The following FAM20C variants were observed in gnomAD, a reference collection of about 807,000 sequenced individuals.
FAM20C encodes FAM20C golgi associated secretory pathway kinase.
FAM20C carries 40 observed loss-of-function variants against 51.5 expected under a neutral mutation model. The observed-to-expected ratio is 0.78, with a 90% confidence interval of 0.60 to 1.01. The LOEUF is 1.01. Ranked by LOEUF, FAM20C falls within the 50% of genes least tolerant of loss-of-function variation. The probability of loss-of-function intolerance (pLI) is 0.00; values close to 1 mark genes in which losing one functional copy is unlikely to be tolerated. For synonymous variants in FAM20C, 406 were observed against 380.6 expected (o/e 1.07, Z -0.78); for missense variants, 861 against 844.7 (o/e 1.02, Z -0.24).
At chr7:225,955 T>A (rs1192730773) in intron 3 of FAM20C, among the ~76,000 whole-genome samples, 1 of 85,686 alleles carries the variant, frequency 1.2e-5, no homozygotes, top group African/African-American at 3.5e-5. Context: ...CTTCTCTCAT[T>A]GCGCAGAATG....
At chr7:233,828 T>G (rs1787771713) in intron 3 of FAM20C, among the ~76,000 whole-genome samples, 1 of 152,008 alleles carries the variant, frequency 6.6e-6, no homozygotes, top group Non-Finnish European at 1.5e-5. Context: ...CTGGGAGAGG[T>G]CAGCTCAGTC....
At chr7:226,833 A>G (rs912662416) in intron 3 of FAM20C, among the ~76,000 whole-genome samples, 1 of 152,252 alleles carries the variant, frequency 6.6e-6, no homozygotes, top group African/African-American at 2.4e-5. Context: ...AAAGGAAATT[A>G]TTAACAATTA....
intron 8 of FAM20C, among the ~76,000 whole-genome samples, chr7:258,162 AGG>A (rs1788696667): frequency 3.4e-5 from 1 of 29,336 alleles, no homozygotes; most frequent in Non-Finnish European, 7.2e-5. Flanking sequence ...GGAGATAGGC[AGG>A]GTGGACCCAC....
rs1183068086 is a variant in FAM20C at position 255,964 on chromosome 7, C to G, written c.1188C>G (p.Ser396=). The G allele has an allele frequency of 6.5e-7, 1 of 1,536,214 alleles. No individual in the cohort carries two copies. Among genetic ancestry groups the G allele is most frequent in the Admixed American group, 2.0e-5 (1 of 50,984 alleles). ...GSLAAFLPDL[S]LAKRKTWRNP... ...TGGCGGCCTTCCTGCCCGACCTGTC[C>G]CTGGCCAAGAGGAAGACCTGGCGGA... The change falls in exon 6 of 10, where the codon TCC becomes TCG. Residue 396 remains serine (S), a synonymous_variant. Transcript: ENST00000313766.
At chr7:245,009 T>C (rs915340187) in intron 3 of FAM20C, among the ~76,000 whole-genome samples, 1 of 152,210 alleles carries the variant, frequency 6.6e-6, no homozygotes, top group Non-Finnish European at 1.5e-5. Flanking sequence ...GACCCAGACG[T>C]GGTCCCCCCG....
intron 3 of FAM20C, among the ~76,000 whole-genome samples, chr7:226,110 C>T (rs892849399): frequency 3.3e-5 from 5 of 152,192 alleles, no homozygotes; most frequent in Admixed American, 6.5e-5. Flanking sequence ...CTCACCTGAC[C>T]TGCTAGGGTG....
At chr7:220,376 A>T (rs542284187) in intron 3 of FAM20C, among the ~76,000 whole-genome samples, 11 of 152,254 alleles carry the variant, frequency 7.2e-5, no homozygotes, top group African/African-American at 2.6e-4. Flanking sequence ...CTGCTCACGC[A>T]GGTTCCCACC....
intron 2 of FAM20C, among the ~76,000 whole-genome samples, chr7:199,296 G>A (rs1786024913): frequency 6.6e-6 from 1 of 152,252 alleles, no homozygotes; most frequent in Non-Finnish European, 1.5e-5. Context: ...CAATCAGGCA[G>A]GTTTAGAGCC....
chr7:205,071 G>A (rs1786291634), intron 2 of FAM20C, among the ~76,000 whole-genome samples: 1 of 152,224 alleles, frequency 6.6e-6, no homozygotes, highest in South Asian at 2.1e-4. Context: ...CGAGTTTCTG[G>A]CAGGTCACAT....
chr7:193,627 C>G lies in FAM20C; in HGVS notation c.428C>G (p.Pro143Arg). ...DPAHRPLLRDPGPRRSESPPG... is the reference protein window; with the variant it reads ...DPAHRPLLRDRGPRRSESPPG... The stretch of plus-strand genomic sequence containing the variant: ...GCGCACCGGCCGCTGCTGCGAGACC[C>G]CGGCCCGCGTCGGTCCGAGTCGCCC... The change falls in exon 1 of 10, where the codon CCC becomes CGC. Residue 143 changes from proline to arginine, a missense_variant. Physicochemically the swap from Pro to Arg is moderately radical, Grantham distance 103 (BLOSUM62 -2). Transcript: ENST00000313766. 2 of 1,539,778 alleles carry G rather than the reference C, an allele frequency of 1.3e-6. No homozygotes were observed. The highest frequency in any genetic ancestry group is 1.2e-5 in the South Asian group (1 of 83,478).
intron 1 of FAM20C, 127 bp from the exon 2 acceptor site, chr7:195,427 G>A (rs902603022): frequency 6.8e-6 from 6 of 878,094 alleles, no homozygotes; most frequent in Admixed American, 7.6e-5. Context: ...AAGCAGAGGC[G>A]CCTTCAACAC....
intron 3 of FAM20C, among the ~76,000 whole-genome samples, chr7:213,138 ATGGAGGG>A: frequency 1.5e-5 from 1 of 66,300 alleles, no homozygotes; most frequent in East Asian, 4.7e-4. Context: ...TGTGAGTGAC[ATGGAGGG>A]CTGTGGAGTC....
intron 3 of FAM20C, among the ~76,000 whole-genome samples, chr7:223,472 T>G (rs1583308689): frequency 6.6e-6 from 1 of 152,316 alleles, no homozygotes; most frequent in East Asian, 1.9e-4. Context: ...CTGGTGGCTG[T>G]GGGCCTCGCA....
chr7:247,814 G>C (rs980593897), intron 4 of FAM20C, among the ~76,000 whole-genome samples: 2 of 152,176 alleles, frequency 1.3e-5, no homozygotes, highest in East Asian at 3.9e-4. Context: ...AGGCGTGGTC[G>C]GGCCTTGGGT....
Position 253,736 on chromosome 7 carries a change from G to A in FAM20C, c.1073-2113G>A, listed in dbSNP as rs370761234. 4.5e-4 allele frequency among the ~76,000 whole-genome samples: 63 copies of A among 139,760 alleles called. 1 individual carries two copies. Among genetic ancestry groups the A allele is most frequent in the South Asian group, 2.1e-4 (1 of 4,678 alleles). 91.7% of individuals were successfully genotyped at this position (139,760 alleles called of 152,430 possible). A position where few individuals can be genotyped will look rare whatever the true frequency, so the allele number is the denominator to read the frequency against. ...GCTCCAAGCCCTCCTAACCCCGCCC[G>A]GGAGGCCCCTTTAATACCCGATTTG... On this transcript the variant is annotated intron_variant, in intron 5 of 9. Coordinates refer to ENST00000313766, the MANE Select transcript of FAM20C (RefSeq NM_020223.4).
chr7:248,170 G>T (rs1339396887), intron 4 of FAM20C, 145 bp from the exon 5 acceptor site: 8 of 535,852 alleles, frequency 1.5e-5, no homozygotes, highest in Non-Finnish European at 2.3e-5. Flanking sequence ...CTAGGGCTGG[G>T]TTTATTCGGA....
chr7:210,839 C>T (rs1362546288), intron 3 of FAM20C, among the ~76,000 whole-genome samples: 1 of 152,120 alleles, frequency 6.6e-6, no homozygotes, highest in East Asian at 1.9e-4. Flanking sequence ...AGAACGGTGA[C>T]ATTTACCGAG....
intron 2 of FAM20C, among the ~76,000 whole-genome samples, chr7:204,994 A>G (rs1303026373): frequency 6.6e-6 from 1 of 152,200 alleles, no homozygotes; most frequent in Non-Finnish European, 1.5e-5. Flanking sequence ...CACTCACAGC[A>G]TTGCCCCCAT....
intron 5 of FAM20C, among the ~76,000 whole-genome samples, chr7:248,865 A>G (rs1359928558): frequency 6.6e-6 from 1 of 151,970 alleles, no homozygotes; most frequent in Non-Finnish European, 1.5e-5. Flanking sequence ...TCATCTCTCC[A>G]GGTAGCCTGG....
Sources: allele counts gnomAD v4.1 joint callset (sites outside exome capture counted in the v4.1 genomes callset), GRCh38; gene constraint gnomAD v4.1.1; transcripts MANE v1.5; gene names NCBI Gene and HGNC (gene_info 2026-07-23, HGNC 2026-07-21).